SIN3A: variants seen among roughly 807,000 people sequenced by gnomAD.
SIN3A encodes SIN3 transcription regulator family member A.
A neutral mutation model predicts 146.1 loss-of-function variants in SIN3A; 14 were observed. The observed-to-expected ratio is 0.10, with a 90% CI of 0.06 to 0.15. The LOEUF is 0.15. Ranked by LOEUF, SIN3A falls within the 10% of genes least tolerant of loss-of-function variation. The pLI, the probability that SIN3A is intolerant of heterozygous loss-of-function variation, is 1.00. For synonymous variants in SIN3A, 572 were observed against 572.0 expected (o/e 1.00, Z 0.00); for missense variants, 1,028 against 1,576.0 (o/e 0.65, Z 5.89).
intron 17 of SIN3A, 128 bp downstream of exon 17, chr15:75,384,136 T>C (rs2073036961): frequency 3.3e-6 from 2 of 604,646 alleles, no homozygotes; most frequent in Non-Finnish European, 5.7e-6. Flanking sequence ...AGTTCTCTGG[T>C]GAACTCATTA....
At chr15:75,444,546 TAA>T (rs919994011) in intron 1 of SIN3A, among the ~76,000 whole-genome samples, 1 of 146,066 alleles carries the variant, frequency 6.8e-6, no homozygotes. Context: ...AGTACTGCTT[TAA>T]AAAAAAAAAG....
intron 5 of SIN3A, among the ~76,000 whole-genome samples, 171 bp from the exon 6 acceptor site, chr15:75,411,914 G>C (rs1010339707): frequency 6.6e-6 from 1 of 152,160 alleles, no homozygotes; most frequent in African/African-American, 2.4e-5. Context: ...AGTTGTAGGC[G>C]GTTCAAACAT....
intron 1 of SIN3A, 150 bp from the exon 2 acceptor site, chr15:75,430,558 G>A: frequency 1.9e-6 from 1 of 521,252 alleles, no homozygotes; most frequent in South Asian, 3.4e-5. Flanking sequence ...AGTGCATGTG[G>A]GCATACCACC....
intron 17 of SIN3A, 121 bp downstream of exon 17, chr15:75,384,143 A>T: frequency 1.5e-6 from 1 of 666,650 alleles, no homozygotes; most frequent in Admixed American, 2.8e-5. Context: ...TGGTGAACTC[A>T]TTAAAAGGTC....
At chr15:75,413,587 A>C (rs190627477) in intron 4 of SIN3A, among the ~76,000 whole-genome samples, 1 of 149,358 alleles carries the variant, frequency 6.7e-6, no homozygotes, top group Admixed American at 6.7e-5. Flanking sequence ...TCTGTTGCCC[A>C]GGCTGGAGTG....
chr15:75,440,095 G>T (rs1162819967), intron 1 of SIN3A, among the ~76,000 whole-genome samples: 1 of 151,564 alleles, frequency 6.6e-6, no homozygotes, highest in Non-Finnish European at 1.5e-5. Flanking sequence ...AGGTTGCAGT[G>T]AGCCAAGATC....
chr15:75,410,068 GCA>G (rs750414424), intron 7 of SIN3A, 64 bp downstream of exon 7: 216 of 1,603,198 alleles, frequency 1.3e-4, no homozygotes, highest in Non-Finnish European at 1.8e-4. Context: ...CCCCTTCTGA[GCA>G]CAGTTTTCCA....
chr15:75,412,684 T>C (rs1272737498), intron 5 of SIN3A, 79 bp downstream of exon 5: 2 of 1,360,026 alleles, frequency 1.5e-6, no homozygotes, highest in East Asian at 5.0e-5. Context: ...TATCTAAGTC[T>C]TATATAAAGG....
Position 75,384,350 on chromosome 15 carries a change from G to A in SIN3A, c.3109C>T (p.Leu1037=), listed in dbSNP as rs1318693754. Residue 1037 remains leucine (L), a synonymous_variant, in exon 17 of 21, where the codon CTG becomes TTG. Coordinates refer to ENST00000394947, the MANE Select transcript of SIN3A (RefSeq NM_001145358.2). The stretch of plus-strand genomic sequence containing the variant: ...AGGCTCCTTGAGTTCTGTGTGTTCA[G>A]CTGGCCTCCGGTGGCCCCATTATTA... ...ENNNGATGGQ[L]NTQNSRSLLE... 4 of 1,613,734 alleles carry A rather than the reference G, an allele frequency of 2.5e-6. No homozygotes were observed. The South Asian group carries it at 3.3e-5, about 13-fold the overall frequency.
intron 8 of SIN3A, among the ~76,000 whole-genome samples, chr15:75,409,308 TC>T (rs2073581524): frequency 6.6e-6 from 1 of 151,946 alleles, no homozygotes; most frequent in African/African-American, 2.4e-5. Context: ...AATAAAGAAC[TC>T]AGAAAAGTAC....
intron 3 of SIN3A, chr15:75,415,501 A>G: frequency 4.8e-6 from 1 of 210,352 alleles, no homozygotes. Flanking sequence ...AACAACCCAG[A>G]GAAGATCCGC....
At chr15:75,406,421 CT>C (rs1479286369) in intron 9 of SIN3A, among the ~76,000 whole-genome samples, 1 of 152,230 alleles carries the variant, frequency 6.6e-6, no homozygotes. Flanking sequence ...GGCGCGGTGG[CT>C]CACGCCTGTA....
chr15:75,402,124 A>G (rs2073423268), intron 9 of SIN3A, among the ~76,000 whole-genome samples, 154 bp from the exon 10 acceptor site: 1 of 152,066 alleles, frequency 6.6e-6, no homozygotes, highest in Non-Finnish European at 1.5e-5. Flanking sequence ...CTGGGACTAC[A>G]GGTGTGAGCC....
chr15:75,450,778 G>A (rs2074389512), intron 1 of SIN3A, among the ~76,000 whole-genome samples: 1 of 152,190 alleles, frequency 6.6e-6, no homozygotes, highest in East Asian at 1.9e-4. Flanking sequence ...GACATAGGGC[G>A]GGGCAGATCT....
In SIN3A at chr15:75,430,250, T is replaced by C. The variant is rs147020699; in HGVS notation, c.126A>G (p.Glu42=). 9.2e-5 allele frequency: 149 copies of C among 1,614,052 alleles called. No homozygotes were observed. The highest frequency in any genetic ancestry group is 4.9e-4 in the Middle Eastern group (3 of 6,084). Reference sequence around the variant, plus strand: ...CTGACTGCATGGTCTCAGACACTGCTTCATACACAGGAGGGGCAGGGGCAA... The same window carrying C: ...CTGACTGCATGGTCTCAGACACTGCCTCATACACAGGAGGGGCAGGGGCAA... The part of the protein sequence containing the change: ...RVLAPAPPVY[E]AVSETMQSAT... The change falls in exon 2 of 21, where the codon GAA becomes GAG. Residue 42 remains glutamate (E), a synonymous_variant. Coordinates refer to ENST00000394947, the MANE Select transcript of SIN3A (RefSeq NM_001145358.2).
At position 75,392,102 on chromosome 15, in the gene SIN3A, A is replaced by G. The variant is rs961600831; in HGVS notation, c.2851+140T>C. On this transcript the variant is annotated intron_variant, in intron 15 of 20. Transcript: ENST00000394947. ...CAAGCAACTAGAGCCTCCATTTTTCAGATAAACAGGTTCAGAGAGTTTAAC... is the reference window on the plus strand; with the variant it reads ...CAAGCAACTAGAGCCTCCATTTTTCGGATAAACAGGTTCAGAGAGTTTAAC... The G allele has an allele frequency of 1.7e-5, 13 of 778,326 alleles. No homozygotes were observed. In the African/African-American group the frequency reaches 1.7e-4, roughly 10 times the overall value. The allele number at this position is 778,326 out of a possible 1,614,324, so 48.2% of individuals were successfully genotyped here.
Position 75,375,798 on chromosome 15 carries a change from T to C in SIN3A, c.3458A>G (p.Lys1153Arg). ...ACTATCCACATTCTCCATGGTCTTC[T>C]TGCTGTTTCCTTCCTTCCCTTCCTT... Reference protein sequence around the residue: ...QEKEGKEGNSKKTMENVDSLD... With the variant: ...QEKEGKEGNSRKTMENVDSLD... Residue 1153 changes from lysine to arginine, a missense_variant, in exon 20 of 21, where the codon AAG becomes AGG. Coordinates refer to ENST00000394947, the MANE Select transcript of SIN3A (RefSeq NM_001145358.2). 2 of 1,614,216 alleles carry C rather than the reference T, an allele frequency of 1.2e-6. No homozygotes were observed. Among genetic ancestry groups the C allele is most frequent in the South Asian group, 2.2e-5 (2 of 91,078 alleles).
chr15:75,377,981 G>A (rs2072894885), intron 19 of SIN3A, among the ~76,000 whole-genome samples: 1 of 152,202 alleles, frequency 6.6e-6, no homozygotes, highest in African/African-American at 2.4e-5. Context: ...GAATTTTGGT[G>A]AACTGGTATC....
rs149822298 is a variant in SIN3A at position 75,418,616 on chromosome 15, G to A, written c.366+4031C>T. Among the ~76,000 whole-genome samples the A allele has an allele frequency of 2.4e-4, 36 of 152,080 alleles. No individual in the cohort carries two copies. The East Asian group carries it at 5.8e-3, about 25-fold the overall frequency. ...ATTATAGGCGTGAGCCACCGCACCC[G>A]GCCAGCACCTTGATTTTAGATTTCC... On this transcript the variant is annotated intron_variant, in intron 3 of 20. Coordinates refer to ENST00000394947, the MANE Select transcript of SIN3A (RefSeq NM_001145358.2).
Sources: gnomAD v4.1 joint callset for allele counts (sites outside exome capture counted in the v4.1 genomes callset) on GRCh38, gnomAD v4.1.1 for gene constraint, MANE v1.5 for transcripts, NCBI Gene and HGNC (gene_info 2026-07-23, HGNC 2026-07-21) for gene names.